The following NLRP2 variants were observed in gnomAD, a reference collection of about 807,000 sequenced individuals.
NLRP2 encodes NLR family pyrin domain containing 2.
Under a neutral mutation model 97.2 loss-of-function variants are expected in NLRP2, and 107 were observed. That is an observed-to-expected ratio of 1.10 (90% CI 0.94 to 1.29). The LOEUF is 1.29. Among genes scored for constraint, NLRP2 ranks in the 50% most tolerant of loss-of-function variants. The pLI is 0.00. For missense variants in NLRP2, 1,495 were observed against 1,330.3 expected (o/e 1.12, Z -1.93); for synonymous variants, 663 against 551.5 (o/e 1.20, Z -2.83).
intron 6 of NLRP2, among the ~76,000 whole-genome samples, chr19:54,984,329 G>GTGTGTGTTTTTTT: frequency 1.3e-5 from 1 of 79,670 alleles, no homozygotes; most frequent in African/African-American, 4.6e-5. Context: ...TTTTTTTTGT[G>GTGTGTGTTTTTTT]TTTTTTTTTT....
At chr19:54,981,526 C>CCCCCCCCCCCCCCCCCCCCCTTT in intron 4 of NLRP2, 91 bp from the exon 5 acceptor site, 1 of 541,836 alleles carries the variant, frequency 1.8e-6, no homozygotes. Context: ...CTCCCCCCCG[C>CCCCCCCCCCCCCCCCCCCCCTTT]CCCATCAGCC....
At chr19:54,998,565 T>A (rs551970269) in intron 12 of NLRP2, among the ~76,000 whole-genome samples, 1 of 151,568 alleles carries the variant, frequency 6.6e-6, no homozygotes, top group Admixed American at 6.6e-5. Flanking sequence ...ATTTATTATT[T>A]ATTTTGGAGA....
intron 2 of NLRP2, among the ~76,000 whole-genome samples, chr19:54,972,505 C>G (rs115365961): frequency 6.6e-6 from 1 of 151,912 alleles, no homozygotes. Flanking sequence ...AACGGGGTCT[C>G]GTTTTCTTGC....
At chr19:54,994,134 A>C in intron 10 of NLRP2, 135 bp from the exon 11 acceptor site, 3 of 966,426 alleles carry the variant, frequency 3.1e-6, no homozygotes, top group Non-Finnish European at 4.9e-6. Context: ...TGTCCACCAC[A>C]CCACCCCATG....
rs375435486 is a variant in NLRP2, at chr19:54,997,481, C to T, written c.3044C>T (p.Thr1015Ile). ...TLTCSSGTLR[T>I]LRLKIDDFND... ...ACATGTTCCAGTGGCACCCTCCGGA[C>T]ACTCAGGTATGATCCATTTACTTCC... Residue 1015 changes from threonine (T) to isoleucine (I), a missense_variant, in exon 12 of 13, where the codon ACA becomes ATA. By Grantham distance (89) the Thr-to-Ile change is moderately conservative. Transcript: ENST00000448584. The T allele has an allele frequency of 3.1e-6, 5 of 1,614,082 alleles. No individual in the cohort carries two copies. Among genetic ancestry groups the T allele is most frequent in the African/African-American group, 1.3e-5 (1 of 74,934 alleles).
rs2072672762 is a variant in NLRP2, at chr19:54,994,280, G to A, written c.2720G>A (p.Cys907Tyr). The A allele has an allele frequency of 6.2e-7, 1 of 1,613,962 alleles. No individual in the cohort carries two copies. Among genetic ancestry groups the A allele is most frequent in the African/African-American group, 1.3e-5 (1 of 74,914 alleles). Residue 907 changes from cysteine (C) to tyrosine (Y), a missense_variant, in exon 11 of 13, where the codon TGC (cysteine) becomes TAC (tyrosine). Cys to Tyr is a radical substitution (Grantham distance 194). Coordinates refer to ENST00000448584, the MANE Select transcript of NLRP2 (RefSeq NM_017852.5). ...TGGTTGATTTCTAGGCTTTGGAACTGCGACATAACTAGCGATGGCTGCTGC... is the reference window on the plus strand; with the variant it reads ...TGGTTGATTTCTAGGCTTTGGAACTACGACATAACTAGCGATGGCTGCTGC... ...CKLQTLVLWN[C>Y]DITSDGCCDL...
chr19:54,998,618 T>TCC (rs1568547115), intron 12 of NLRP2, among the ~76,000 whole-genome samples: 2 of 116,496 alleles, frequency 1.7e-5, no homozygotes, highest in African/African-American at 6.7e-5. Context: ...TTTCTTTTTT[T>TCC]TTTTTTTTTT....
intron 3 of NLRP2, chr19:54,976,808 C>CTTTT (rs1344091709): frequency 1.3e-5 from 3 of 229,350 alleles, no homozygotes; most frequent in African/African-American, 3.1e-4. Flanking sequence ...ACCTTGTTCT[C>CTTTT]TCTCTTTTTT....
chr19:54,969,132 TGA>T (rs1431813524), intron 1 of NLRP2, among the ~76,000 whole-genome samples: 2 of 152,252 alleles, frequency 1.3e-5, no homozygotes, highest in Admixed American at 6.6e-5. Context: ...TTTGCTATAA[TGA>T]GAGAGTGTTT....
Position 54,990,549 on chromosome 19 carries a change from C to CTG in NLRP2, c.2589_2590dup (p.Leu864CysfsTer8). ...GAAGCCAATTGCAAGGACCTTGCTGCTGTGTTGGTTGTCAGCCGGGAGCTG... is the reference window on the plus strand; with the variant it reads ...GAAGCCAATTGCAAGGACCTTGCTGCTGTGTGTTGGTTGTCAGCCGGGAGCTG... On this transcript the variant is annotated frameshift_variant, in exon 10 of 13. Transcript: ENST00000448584. LOFTEE classifies it high-confidence loss of function. 6.2e-7 allele frequency: 1 copy of CTG among 1,614,160 alleles called. No homozygotes were observed. Among genetic ancestry groups the CTG allele is most frequent in the Non-Finnish European group, 8.5e-7 (1 of 1,180,036 alleles).
chr19:54,972,525 AG>A (rs2070930568), intron 2 of NLRP2, among the ~76,000 whole-genome samples: 1 of 151,902 alleles, frequency 6.6e-6, no homozygotes, highest in African/African-American at 2.4e-5. Context: ...CTCAGGCTGG[AG>A]TACAATGGGG....
intron 11 of NLRP2, among the ~76,000 whole-genome samples, chr19:54,996,063 C>CA (rs2072803726): frequency 9.8e-6 from 1 of 101,628 alleles, no homozygotes; most frequent in Non-Finnish European, 2.2e-5. Context: ...ACAAAAAAAA[C>CA]AAAGGCGCCT....
intron 8 of NLRP2, among the ~76,000 whole-genome samples, chr19:54,988,226 T>C (rs916288254): frequency 2.0e-5 from 3 of 152,176 alleles, no homozygotes; most frequent in African/African-American, 7.2e-5. Context: ...TCTTTTCTTT[T>C]TGCCTGAGAA....
chr19:54,981,509 G>GCCCCCCCACC, intron 4 of NLRP2, 108 bp from the exon 5 acceptor site: 1 of 386,502 alleles, frequency 2.6e-6, no homozygotes. Flanking sequence ...CTGATCCCGT[G>GCCCCCCCACC]CCCCCCCTCC....
At chr19:54,967,825 A>G (rs551532524) in intron 1 of NLRP2, among the ~76,000 whole-genome samples, 1 of 152,058 alleles carries the variant, frequency 6.6e-6, no homozygotes, top group South Asian at 2.1e-4. Context: ...GTCTTATGCA[A>G]ATACCTATGC....
At chr19:54,980,321 C>G (rs969477681) in intron 4 of NLRP2, among the ~76,000 whole-genome samples, 2 of 151,676 alleles carry the variant, frequency 1.3e-5, no homozygotes, top group African/African-American at 4.8e-5. Flanking sequence ...TCAGCCTCCC[C>G]AGTAGCTGGG....
At position 54,982,316 on chromosome 19, in the gene NLRP2, A is replaced by G. The variant is rs183420955; in HGVS notation, c.618A>G (p.Ser206=). 1.9e-6 allele frequency: 3 copies of G among 1,614,050 alleles called. No individual in the cohort carries two copies. The highest frequency in any genetic ancestry group is 2.2e-5 in the East Asian group (1 of 44,872). The change falls in exon 6 of 13, where the codon TCA becomes TCG. Residue 206 remains serine, a synonymous_variant. Transcript: ENST00000448584. Reference sequence around the variant, plus strand: ...CCAGGGTGCTTCCCGGGCCCTTCTCATACACGGTGGTGCTGTATGGTCCTG... The same window carrying G: ...CCAGGGTGCTTCCCGGGCCCTTCTCGTACACGGTGGTGCTGTATGGTCCTG... ...SNPRVLPGPF[S]YTVVLYGPAG...
chr19:54,968,878 T>A (rs1271463025), intron 1 of NLRP2, among the ~76,000 whole-genome samples: 1 of 151,868 alleles, frequency 6.6e-6, no homozygotes, highest in Non-Finnish European at 1.5e-5. Flanking sequence ...ATTTTTTGTA[T>A]TTTTAGTAGA....
intron 2 of NLRP2, among the ~76,000 whole-genome samples, chr19:54,972,979 A>G (rs1422460005): frequency 6.6e-6 from 1 of 151,926 alleles, no homozygotes; most frequent in East Asian, 1.9e-4. Context: ...ACTTGAGGCC[A>G]GGAGTTTGAG....
Sources: allele counts gnomAD v4.1 joint callset (sites outside exome capture counted in the v4.1 genomes callset), GRCh38; gene constraint gnomAD v4.1.1; transcripts MANE v1.5; gene names NCBI Gene and HGNC (gene_info 2026-07-23, HGNC 2026-07-21).